LRBA: variants seen among roughly 807,000 people sequenced by gnomAD.
LRBA encodes LPS responsive beige-like anchor protein, also known as lipopolysaccharide-responsive and beige-like anchor protein.
LRBA carries 176 observed loss-of-function variants against 330.0 expected under a neutral mutation model. The observed-to-expected ratio is 0.53, with a 90% CI of 0.47 to 0.60. The LOEUF (loss-of-function observed/expected upper bound fraction) is 0.60, where lower values mean the gene tolerates loss of function less well. LRBA is among the 20% of genes least tolerant of loss of function. The pLI, the probability that LRBA is intolerant of heterozygous loss-of-function variation, is 0.00. For missense variants in LRBA, 3,259 were observed against 3,444.8 expected (o/e 0.95, Z 1.35); for synonymous variants, 1,230 against 1,193.0 (o/e 1.03, Z -0.64).
chr4:150,840,468 T>C (rs1490773482), intron 28 of LRBA: 1 of 152,192 alleles, frequency 6.6e-6, no homozygotes, highest in Admixed American at 6.6e-5. Flanking sequence ...TTCAATATTG[T>C]TGTGTTTCAG....
intron 34 of LRBA, among the ~76,000 whole-genome samples, chr4:150,771,948 G>C (rs996043043): frequency 6.6e-6 from 1 of 152,128 alleles, no homozygotes; most frequent in African/African-American, 2.4e-5. Flanking sequence ...CATTCACATA[G>C]GACACAAATA....
At chr4:150,503,060 C>G (rs898547730) in intron 40 of LRBA, among the ~76,000 whole-genome samples, 1 of 152,188 alleles carries the variant, frequency 6.6e-6, no homozygotes, top group African/African-American at 2.4e-5. Flanking sequence ...CCAGGAAGCT[C>G]GAACTGGGTG....
chr4:150,331,874 A>G (rs902904015), intron 48 of LRBA, among the ~76,000 whole-genome samples: 6 of 152,168 alleles, frequency 3.9e-5, no homozygotes, highest in East Asian at 1.9e-4. Context: ...CCTCAGTTCA[A>G]ATCTTACCAC....
intron 31 of LRBA, among the ~76,000 whole-genome samples, chr4:150,815,270 T>A (rs982355748): frequency 6.6e-6 from 1 of 151,524 alleles, no homozygotes; most frequent in Non-Finnish European, 1.5e-5. Flanking sequence ...TCTTTTTTTT[T>A]AAAGGACTTT....
intron 40 of LRBA, among the ~76,000 whole-genome samples, chr4:150,542,358 A>T (rs1260773682): frequency 6.6e-6 from 1 of 152,248 alleles, no homozygotes; most frequent in African/African-American, 2.4e-5. Flanking sequence ...AATTGTAAGA[A>T]TTAAATGAGT....
rs532275387 is a variant in LRBA at position 150,731,206 on chromosome 4, TA to T, written c.5754+4051del. On this transcript the variant is annotated intron_variant, in intron 36 of 56. Coordinates refer to ENST00000651943, the MANE Select transcript of LRBA (RefSeq NM_001364905.1). ...ACACTATTGGTGGAGTGTAAATTAG[TA>T]AAAACCACCATGAGAACAGTCTGGA... Among the ~76,000 whole-genome samples, 647 of 152,188 alleles carry T rather than the reference TA, an allele frequency of 4.3e-3. 4 individuals carry two copies. Among genetic ancestry groups the T allele is most frequent in the African/African-American group, 0.015 (626 of 41,538 alleles).
intron 39 of LRBA, among the ~76,000 whole-genome samples, 196 bp downstream of exon 39, chr4:150,590,517 G>T (rs1772680300): frequency 6.6e-6 from 1 of 152,112 alleles, no homozygotes; most frequent in Non-Finnish European, 1.5e-5. Flanking sequence ...AGAAAAAAAT[G>T]AGGAGAGTAA....
chr4:150,385,750 G>T, intron 47 of LRBA, among the ~76,000 whole-genome samples: 1 of 152,062 alleles, frequency 6.6e-6, no homozygotes, highest in Admixed American at 6.6e-5. Context: ...GGAAAAAAGA[G>T]GGAGGAGAGG....
chr4:150,944,936 A>G (rs1447339502), intron 2 of LRBA, among the ~76,000 whole-genome samples: 1 of 152,198 alleles, frequency 6.6e-6, no homozygotes, highest in Non-Finnish European at 1.5e-5. Context: ...TACCCTGCAC[A>G]TGCTCTCTTG....
At position 151,004,970 on chromosome 4, in the gene LRBA, G is replaced by A. The variant is rs994442273; in HGVS notation, c.216+9457C>T. 6.6e-5 allele frequency among the ~76,000 whole-genome samples: 10 copies of A among 152,064 alleles called. No individual in the cohort carries two copies. The East Asian group carries it at 1.3e-3, about 21-fold the overall frequency. On this transcript the variant is annotated intron_variant, in intron 2 of 56. Transcript: ENST00000651943. ...CATGCCATTGCACTCCAGCCTGGGCGACAGAGCGAGACTTCGACTCAAAAA... is the reference window on the plus strand; with the variant it reads ...CATGCCATTGCACTCCAGCCTGGGCAACAGAGCGAGACTTCGACTCAAAAA...
Position 150,928,775 on chromosome 4 carries a change from T to C in LRBA, c.448+59A>G, listed in dbSNP as rs189167240. ...ATTGCTAAATGGAATAAGAAAAATA[T>C]GTATTTGAAAATCAAACTTTATTTC... is the stretch of plus-strand genomic sequence containing the variant. On this transcript the variant is annotated intron_variant, in intron 3 of 56. Transcript: ENST00000651943. The C allele has an allele frequency of 6.6e-5, 94 of 1,433,474 alleles. No homozygotes were observed. In the Middle Eastern group the frequency reaches 8.9e-4, roughly 14 times the overall value. 88.8% of individuals were successfully genotyped at this position (1,433,474 alleles called of 1,614,324 possible).
At chr4:150,741,837 G>A (rs1732021647) in intron 35 of LRBA, among the ~76,000 whole-genome samples, 1 of 152,004 alleles carries the variant, frequency 6.6e-6, no homozygotes, top group Non-Finnish European at 1.5e-5. Context: ...GGTATTAGAA[G>A]TTAAGAGATT....
chr4:150,516,215 CTCTTTTTTTTTTTTTTTT>C lies in LRBA; in HGVS notation c.6331-25198_6331-25181del, dbSNP rs1762339336. ...GTAATTCAGTCTGACATTTTCTATT[CTCTTTTTTTTTTTTTTTT>C]TTTTTTTTTTGCTAAGTACCTGTTG... On this transcript the variant is annotated intron_variant, in intron 40 of 56. Transcript: ENST00000651943. 3.5e-5 allele frequency among the ~76,000 whole-genome samples: 3 copies of C among 86,676 alleles called. No individual in the cohort carries two copies. In the Admixed American group the frequency reaches 3.9e-4, roughly 11 times the overall value. The allele number at this position is 86,676 out of a possible 152,430, so 56.9% of individuals were successfully genotyped here. A position where few individuals can be genotyped will look rare whatever the true frequency, so the allele number is the denominator to read the frequency against.
chr4:150,901,062 C>T (rs1730667469), intron 13 of LRBA, among the ~76,000 whole-genome samples: 1 of 152,132 alleles, frequency 6.6e-6, no homozygotes, highest in African/African-American at 2.4e-5. Context: ...TGTTAGGAGG[C>T]TGAGGCGGGC....
At chr4:150,738,030 C>T (rs976782806) in intron 35 of LRBA, among the ~76,000 whole-genome samples, 7 of 135,094 alleles carry the variant, frequency 5.2e-5, no homozygotes, top group Non-Finnish European at 9.2e-5. Context: ...TTCGCTCTGT[C>T]GCCCAGGCTG....
chr4:150,831,273 T>C (rs294528), intron 29 of LRBA, among the ~76,000 whole-genome samples: 13,502 of 151,860 alleles, frequency 0.089, 1,050 homozygotes, highest in African/African-American at 0.2. Flanking sequence ...GTAGATATTT[T>C]CTATCTCCTC....
intron 53 of LRBA, among the ~76,000 whole-genome samples, chr4:150,286,817 T>C (rs10222778): frequency 0.093 from 14,191 of 152,224 alleles, 947 homozygotes; most frequent in South Asian, 0.23. Flanking sequence ...GTATGGTTGG[T>C]TGGTTGGTTG....
chr4:150,395,721 C>T (rs1744641093), intron 47 of LRBA, among the ~76,000 whole-genome samples: 1 of 152,130 alleles, frequency 6.6e-6, no homozygotes, highest in Non-Finnish European at 1.5e-5. Context: ...CTATTCTTTC[C>T]CAAGAAACCT....
At chr4:150,796,062 C>T (rs28591543) in intron 34 of LRBA, among the ~76,000 whole-genome samples, 2 of 151,764 alleles carry the variant, frequency 1.3e-5, no homozygotes, top group Non-Finnish European at 2.9e-5. Context: ...TTTGGCACTC[C>T]GTCCTCTCCA....
Sources: allele counts gnomAD v4.1 joint callset (sites outside exome capture counted in the v4.1 genomes callset), GRCh38; gene constraint gnomAD v4.1.1; transcripts MANE v1.5; gene names NCBI Gene and HGNC (gene_info 2026-07-23, HGNC 2026-07-21).